The following CEP89 variants were observed in gnomAD, a reference collection of about 807,000 sequenced individuals.
CEP89 encodes centrosomal protein 89, also known as centrosomal protein of 89 kDa.
Under a neutral mutation model 97.6 loss-of-function variants are expected in CEP89, and 95 were observed. The observed-to-expected ratio is 0.97, with a 90% CI of 0.82 to 1.15. The LOEUF is 1.15. Among genes scored for constraint, CEP89 ranks in the 50% most tolerant of loss-of-function variants. The pLI is 0.00. For missense variants in CEP89, 869 were observed against 947.7 expected (o/e 0.92, Z 1.09); for synonymous variants, 354 against 349.1 (o/e 1.01, Z -0.16).
chr19:32,890,808 G>A (rs771118325), intron 16 of CEP89, among the ~76,000 whole-genome samples: 1 of 152,078 alleles, frequency 6.6e-6, no homozygotes, highest in African/African-American at 2.4e-5. Context: ...CAGAGCGGGG[G>A]CTCACGCTGG....
In CEP89 at chr19:32,887,862, T is replaced by G. The variant is rs201847239; in HGVS notation, c.1876-21A>C. ...TTTGCCTAGGGAGAAGGGTGATAAA[T>G]GGGCTCTCAGTTTTACAGAAAAATT... On this transcript the variant is annotated intron_variant, in intron 16 of 18. Transcript: ENST00000305768. 4.5e-5 allele frequency: 61 copies of G among 1,362,272 alleles called. No homozygotes were observed. The African/African-American group carries it at 7.9e-4, about 18-fold the overall frequency. 84.4% of individuals were successfully genotyped at this position (1,362,272 alleles called of 1,614,324 possible).
At chr19:32,907,871 G>A (rs1376913612) in intron 14 of CEP89, among the ~76,000 whole-genome samples, 1 of 152,236 alleles carries the variant, frequency 6.6e-6, no homozygotes, top group African/African-American at 2.4e-5. Flanking sequence ...ACAGGCATGA[G>A]TCACTGTGCC....
chr19:32,952,471 C>G lies in CEP89; in HGVS notation c.492+1144G>C, dbSNP rs1970941120. On this transcript the variant is annotated intron_variant, in intron 4 of 18. Coordinates refer to ENST00000305768, the MANE Select transcript of CEP89 (RefSeq NM_032816.5). ...ACTCCAGCCTGGGGACAGTGAGACC[C>G]CATCTCAATTTAAAAAAAAAAAAGT... 3.5e-5 allele frequency among the ~76,000 whole-genome samples: 5 copies of G among 143,468 alleles called. No individual in the cohort carries two copies. In the South Asian group the frequency reaches 9.0e-4, roughly 26 times the overall value. 94.1% of individuals were successfully genotyped at this position (143,468 alleles called of 152,430 possible).
chr19:32,902,251 T>C (rs962437839), intron 14 of CEP89, among the ~76,000 whole-genome samples: 1 of 152,100 alleles, frequency 6.6e-6, no homozygotes, highest in Non-Finnish European at 1.5e-5. Context: ...GTTACCGAAT[T>C]TGCATAGAGA....
At chr19:32,927,447 A>C (rs1970384760) in intron 9 of CEP89, among the ~76,000 whole-genome samples, 1 of 152,124 alleles carries the variant, frequency 6.6e-6, no homozygotes, top group Admixed American at 6.6e-5. Flanking sequence ...GGGGTACCCC[A>C]TAGGCAGTGT....
chr19:32,885,672 T>C (rs957062482), intron 17 of CEP89, among the ~76,000 whole-genome samples: 5 of 152,216 alleles, frequency 3.3e-5, no homozygotes, highest in African/African-American at 1.2e-4. Context: ...TCTGGGTCCA[T>C]TCTGTGTCAG....
chr19:32,931,180 T>G, intron 9 of CEP89: 1 of 426,916 alleles, frequency 2.3e-6, no homozygotes, highest in Non-Finnish European at 4.1e-6. Flanking sequence ...ACAAGCCACC[T>G]CATCCGGCCT....
intron 16 of CEP89, among the ~76,000 whole-genome samples, chr19:32,891,634 C>T (rs756519439): frequency 7.2e-5 from 11 of 151,794 alleles, no homozygotes; most frequent in Non-Finnish European, 1.3e-4. Context: ...AAAAACAATT[C>T]AGGATATGAA....
chr19:32,918,804 A>G (rs1181127281), intron 12 of CEP89, among the ~76,000 whole-genome samples: 3 of 152,132 alleles, frequency 2.0e-5, no homozygotes, highest in Non-Finnish European at 2.9e-5. Context: ...GCAAAACAAA[A>G]CAAAACAAAA....
chr19:32,958,967 A>G (rs1442429856), intron 3 of CEP89, among the ~76,000 whole-genome samples: 1 of 152,024 alleles, frequency 6.6e-6, no homozygotes, highest in African/African-American at 2.4e-5. Flanking sequence ...CAGTGAGCCA[A>G]GATTGTGCCA....
chr19:32,916,079 C>T lies in CEP89; in HGVS notation c.1385-562G>A, dbSNP rs535287779. On this transcript the variant is annotated intron_variant, in intron 13 of 18. Coordinates refer to ENST00000305768, the MANE Select transcript of CEP89 (RefSeq NM_032816.5). ...ATTGCTTGGGGTCAGGAGTTTGAGA[C>T]CAGCCTGGGTAACATAGTGAGACCC... Among the ~76,000 whole-genome samples the T allele has an allele frequency of 1.6e-4, 25 of 152,048 alleles. 1 individual carries two copies. Among genetic ancestry groups the T allele is most frequent in the African/African-American group, 5.5e-4 (23 of 41,490 alleles).
At position 32,901,500 on chromosome 19, in the gene CEP89, G is replaced by A. The variant is rs563090394; in HGVS notation, c.1566-88C>T. 204 of 1,368,782 alleles carry A rather than the reference G, an allele frequency of 1.5e-4. 4 individuals are homozygous for A. In the South Asian group the frequency reaches 2.3e-3, roughly 15 times the overall value. The allele number at this position is 1,368,782 out of a possible 1,614,324, so 84.8% of individuals were successfully genotyped here. On this transcript the variant is annotated intron_variant, in intron 14 of 18. Coordinates refer to ENST00000305768, the MANE Select transcript of CEP89 (RefSeq NM_032816.5). ...ATAACGAGGAAGATGAGTGATAACA[G>A]CCCAGCCCTCCAGCCCCTGGGTGGG...
intron 2 of CEP89, among the ~76,000 whole-genome samples, chr19:32,961,797 C>G (rs1007427206): frequency 2.0e-5 from 3 of 151,778 alleles, no homozygotes; most frequent in African/African-American, 7.3e-5. Flanking sequence ...GCACACGCCA[C>G]CACACCTGGC....
At chr19:32,959,137 A>G (rs11878354) in intron 3 of CEP89, among the ~76,000 whole-genome samples, 7,176 of 150,066 alleles carry the variant, frequency 0.048, 597 homozygotes, top group African/African-American at 0.17. Context: ...TCTTCCCACC[A>G]CTCCAAAGGC....
chr19:32,955,110 G>A (rs992518457), intron 3 of CEP89, among the ~76,000 whole-genome samples: 6 of 151,902 alleles, frequency 3.9e-5, no homozygotes, highest in Non-Finnish European at 7.4e-5. Context: ...TCAGCCTCCC[G>A]AGTAGCTGGG....
intron 4 of CEP89, among the ~76,000 whole-genome samples, chr19:32,951,140 T>C (rs758687245): frequency 6.6e-6 from 1 of 152,172 alleles, no homozygotes; most frequent in African/African-American, 2.4e-5. Context: ...ATTTTATATA[T>C]CAATAAATAA....
At chr19:32,912,169 C>T (rs1970014774) in intron 14 of CEP89, among the ~76,000 whole-genome samples, 1 of 150,072 alleles carries the variant, frequency 6.7e-6, no homozygotes, top group Non-Finnish European at 1.5e-5. Flanking sequence ...CGCCACTGCA[C>T]TCCAGCCTGG....
chr19:32,911,805 G>C (rs1194737095), intron 14 of CEP89, among the ~76,000 whole-genome samples: 6 of 152,208 alleles, frequency 3.9e-5, no homozygotes, highest in African/African-American at 1.4e-4. Context: ...GCTATGGAGG[G>C]AGAAGGAGGA....
chr19:32,890,902 C>T (rs1162369102), intron 16 of CEP89, among the ~76,000 whole-genome samples: 1 of 152,136 alleles, frequency 6.6e-6, no homozygotes, highest in East Asian at 1.9e-4. Context: ...TACATCCTGC[C>T]CTGGGACCCA....
Sources: allele counts gnomAD v4.1 joint callset (sites outside exome capture counted in the v4.1 genomes callset), GRCh38; gene constraint gnomAD v4.1.1; transcripts MANE v1.5; gene names NCBI Gene and HGNC (gene_info 2026-07-23, HGNC 2026-07-21).